TRERF1: variants seen among roughly 807,000 people sequenced by gnomAD.
TRERF1 encodes the protein transcriptional regulating factor 1.
Under a neutral mutation model 122.9 loss-of-function variants are expected in TRERF1, and 27 were observed. That is an observed-to-expected ratio of 0.22 (90% CI 0.16 to 0.30). The LOEUF (loss-of-function observed/expected upper bound fraction) is 0.30, where lower values mean the gene tolerates loss of function less well. TRERF1 is among the 10% of genes least tolerant of loss of function. The pLI, the probability that TRERF1 is intolerant of heterozygous loss-of-function variation, is 1.00. For synonymous variants in TRERF1, 636 were observed against 641.7 expected (o/e 0.99, Z 0.13); for missense variants, 1,248 against 1,560.3 (o/e 0.80, Z 3.37).
At chr6:42,301,255 A>G (rs1035284505) in intron 3 of TRERF1, among the ~76,000 whole-genome samples, 2 of 152,100 alleles carry the variant, frequency 1.3e-5, no homozygotes, top group African/African-American at 4.8e-5. Flanking sequence ...TCTGAGACAG[A>G]GTCTCACTCT....
rs1355346732 is a variant in TRERF1 at position 42,451,673 on chromosome 6, C to T, written c.-539+348G>A. Among the ~76,000 whole-genome samples the T allele has an allele frequency of 6.8e-6, 1 of 146,992 alleles. No homozygotes were observed. Among genetic ancestry groups the T allele is most frequent in the African/African-American group, 2.5e-5 (1 of 40,124 alleles). ...TGCGCCCTCCCCGGCCAGAAACTTA[C>T]TAGTGAGCAAGCGTGCAGGCTCTCC... On this transcript the variant is annotated intron_variant, in intron 1 of 17. Coordinates refer to ENST00000372922, the Ensembl canonical transcript of TRERF1.
chr6:42,256,582 C>G (rs6906140), intron 12 of TRERF1, 146 bp downstream of exon 12: 109 of 635,690 alleles, frequency 1.7e-4, no homozygotes, highest in Non-Finnish European at 1.6e-4. Context: ...ACCTACCCAC[C>G]GAGAGAAGGA....
intron 2 of TRERF1, among the ~76,000 whole-genome samples, chr6:42,385,731 C>G (rs1210523935): frequency 1.3e-5 from 2 of 152,204 alleles, no homozygotes; most frequent in Non-Finnish European, 2.9e-5. Flanking sequence ...ACTGCCACTT[C>G]ATCATAAAAT....
At chr6:42,402,599 T>G (rs1237758489) in intron 2 of TRERF1, among the ~76,000 whole-genome samples, 3 of 152,208 alleles carry the variant, frequency 2.0e-5, no homozygotes, top group Admixed American at 2.0e-4. Context: ...CTTTTGTTAT[T>G]GTTGTTGATT....
At chr6:42,238,506 C>T (rs1582469465) in intron 15 of TRERF1, among the ~76,000 whole-genome samples, 1 of 152,048 alleles carries the variant, frequency 6.6e-6, no homozygotes, top group African/African-American at 2.4e-5. Context: ...TGTAGAACTT[C>T]GTAACAACAA....
At chr6:42,258,637 C>T (rs1367075536) in intron 9 of TRERF1, among the ~76,000 whole-genome samples, 1 of 152,198 alleles carries the variant, frequency 6.6e-6, no homozygotes, top group Non-Finnish European at 1.5e-5. Flanking sequence ...TGCTGTGGCG[C>T]GATGTCGGCT....
chr6:42,267,517 T>TA (rs1779425005), intron 5 of TRERF1, among the ~76,000 whole-genome samples: 1 of 151,884 alleles, frequency 6.6e-6, no homozygotes, highest in South Asian at 2.1e-4. Context: ...TAATTCCAGC[T>TA]ACTTAGGAGG....
intron 4 of TRERF1, among the ~76,000 whole-genome samples, chr6:42,284,614 C>A (rs1437496406): frequency 6.6e-6 from 1 of 152,200 alleles, no homozygotes; most frequent in Admixed American, 6.5e-5. Flanking sequence ...ATAACAAGGA[C>A]AACTGGCATA....
chr6:42,242,249 T>C (rs933741091), intron 15 of TRERF1, among the ~76,000 whole-genome samples: 2 of 152,312 alleles, frequency 1.3e-5, no homozygotes, highest in Admixed American at 1.3e-4. Context: ...ATGAATTACA[T>C]TGGATTAAAT....
intron 2 of TRERF1, among the ~76,000 whole-genome samples, chr6:42,444,379 G>T (rs900831987): frequency 1.3e-5 from 2 of 151,968 alleles, no homozygotes; most frequent in Admixed American, 6.6e-5. Context: ...CCTCTGTGCC[G>T]CTCAGTAACG....
chr6:42,371,991 G>A (rs186865524), intron 2 of TRERF1, among the ~76,000 whole-genome samples: 4 of 152,186 alleles, frequency 2.6e-5, no homozygotes, highest in African/African-American at 9.6e-5. Context: ...AGATCAGCCT[G>A]GCCAACATGG....
intron 2 of TRERF1, among the ~76,000 whole-genome samples, chr6:42,408,648 G>T (rs1318707733): frequency 6.6e-6 from 1 of 151,852 alleles, no homozygotes; most frequent in Non-Finnish European, 1.5e-5. Context: ...AAAGTGCTGG[G>T]ATTACAGGCA....
chr6:42,396,215 C>T (rs565428237), intron 2 of TRERF1, among the ~76,000 whole-genome samples: 25 of 152,266 alleles, frequency 1.6e-4, no homozygotes, highest in African/African-American at 4.1e-4. Context: ...GGCCTCTGCG[C>T]GCTGAAGCTC....
rs200037399 is a variant in TRERF1 at position 42,259,402 on chromosome 6, C to T, written c.2206G>A (p.Ala736Thr). The T allele has an allele frequency of 5.2e-6, 8 of 1,537,200 alleles. No individual in the cohort carries two copies. The African/African-American group carries it at 8.2e-5, about 16-fold the overall frequency. ...GGCGTCAGGGGCAGCTGCGGGTGGG[C>T]GCCAGGGCCGTGGCCGGAGATGAGG... Residue 736 changes from alanine to threonine, a missense_variant, in exon 9 of 18, where the codon GCC becomes ACC. Transcript: ENST00000372922. This position sits in a 1 kb window ranked among gnomAD's most constrained non-coding sequence, Gnocchi z 4.9.
In TRERF1 at chr6:42,241,754, G is replaced by A. The variant is rs534620975; in HGVS notation, c.2859+1494C>T. Among the ~76,000 whole-genome samples, 6 of 152,336 alleles carry A rather than the reference G, an allele frequency of 3.9e-5. No homozygotes were observed. The South Asian group carries it at 1.2e-3, about 32-fold the overall frequency. ...TGGGATTACAGGTTTGAGCCACCGT[G>A]CCTGGCCAAGTCCAAATTTTTTATA... On this transcript the variant is annotated intron_variant, in intron 15 of 17. Transcript: ENST00000372922.
intron 4 of TRERF1, among the ~76,000 whole-genome samples, chr6:42,286,250 A>G (rs1783202767): frequency 6.8e-6 from 1 of 146,828 alleles, no homozygotes; most frequent in Non-Finnish European, 1.5e-5. Context: ...TCATGTCTAA[A>G]ACACCAAAAG....
At chr6:42,250,753 G>A (rs1775609196) in intron 13 of TRERF1, among the ~76,000 whole-genome samples, 1 of 152,096 alleles carries the variant, frequency 6.6e-6, no homozygotes, top group South Asian at 2.1e-4. Context: ...TAATTACAAA[G>A]AACCTAATTA....
At chr6:42,266,351 G>A (rs1779187778) in intron 5 of TRERF1, among the ~76,000 whole-genome samples, 2 of 152,016 alleles carry the variant, frequency 1.3e-5, no homozygotes, top group African/African-American at 2.4e-5. Flanking sequence ...ACAACACCCA[G>A]CTAAATTTTT....
At chr6:42,433,178 G>C (rs1784741559) in intron 2 of TRERF1, among the ~76,000 whole-genome samples, 1 of 152,024 alleles carries the variant, frequency 6.6e-6, no homozygotes, top group Admixed American at 6.6e-5. Context: ...CTGGTGCAAG[G>C]AACACAGAGG....
Sources: gnomAD v4.1 joint callset for allele counts (sites outside exome capture counted in the v4.1 genomes callset) on GRCh38, gnomAD v4.1.1 for gene constraint, Gnocchi (gnomAD v3.1) non-coding constraint, MANE v1.5 for transcripts, NCBI Gene and HGNC (gene_info 2026-07-23, HGNC 2026-07-21) for gene names.